DNAH3: variants seen among roughly 807,000 people sequenced by gnomAD.
DNAH3 encodes the protein dynein axonemal heavy chain 3.
In DNAH3, 332 loss-of-function variants were observed where a neutral mutation model predicts 432.5. The ratio of observed to expected loss-of-function variants is 0.77; its 90% CI spans 0.70 to 0.84. The LOEUF is 0.84. DNAH3 is among the 40% of genes least tolerant of loss of function. DNAH3 has a pLI of 0.00. For synonymous variants in DNAH3, 1,956 were observed against 1,900.2 expected (o/e 1.03, Z -0.76); for missense variants, 4,861 against 5,114.0 (o/e 0.95, Z 1.51).
At chr16:21,008,581 T>TC (rs2087432083) in intron 41 of DNAH3, among the ~76,000 whole-genome samples, 2 of 152,280 alleles carry the variant, frequency 1.3e-5, no homozygotes, top group Admixed American at 1.3e-4. Flanking sequence ...TGGCGTTTTT[T>TC]CCCATCCCTA....
At chr16:21,082,046 C>T (rs1226325583) in intron 19 of DNAH3, among the ~76,000 whole-genome samples, 3 of 151,700 alleles carry the variant, frequency 2.0e-5, no homozygotes, top group African/African-American at 7.3e-5. Context: ...GCCACAGGCA[C>T]ACACCACCTT....
At chr16:20,987,556 T>C (rs1597064776) in intron 46 of DNAH3, 108 bp from the exon 47 acceptor site, 1 of 1,543,054 alleles carries the variant, frequency 6.5e-7, no homozygotes, top group Non-Finnish European at 8.8e-7. Flanking sequence ...AACTAGATAA[T>C]GTTTATAAAA....
chr16:20,998,763 A>AAAG (rs1567612734), intron 43 of DNAH3, among the ~76,000 whole-genome samples: 2 of 103,478 alleles, frequency 1.9e-5, no homozygotes, highest in Non-Finnish European at 3.8e-5. Flanking sequence ...AAAAAAAAAA[A>AAAG]GGGGGGGGCT....
At chr16:21,104,421 G>T in intron 16 of DNAH3, 50 bp downstream of exon 16, 1 of 1,524,722 alleles carries the variant, frequency 6.6e-7, no homozygotes, top group Non-Finnish European at 9.1e-7. Flanking sequence ...TGCAGCATGG[G>T]TGAAGAAGTC....
At chr16:20,979,577 A>T (rs1178614397) in intron 49 of DNAH3, 31 bp from the exon 50 acceptor site, 18 of 1,596,374 alleles carry the variant, frequency 1.1e-5, no homozygotes. Flanking sequence ...GTTAGGCAGG[A>T]CCCAACATCT....
intron 57 of DNAH3, 80 bp from the exon 58 acceptor site, chr16:20,944,743 C>A: frequency 7.3e-7 from 1 of 1,366,946 alleles, no homozygotes; most frequent in South Asian, 1.2e-5. Context: ...AGAACCCAAT[C>A]AGAACAGGAA....
Position 21,062,472 on chromosome 16 carries a change from G to A in DNAH3, c.3720+10C>T, listed in dbSNP as rs760677434. On this transcript the variant is annotated intron_variant, in intron 25 of 61. Transcript: ENST00000261383. ...GGAGAAAAGAACCAAAAATGGGTAAGAGGAGTTACCTTGGCATTAGCTGGG... is the reference window on the plus strand; with the variant it reads ...GGAGAAAAGAACCAAAAATGGGTAAAAGGAGTTACCTTGGCATTAGCTGGG... The A allele has an allele frequency of 3.7e-6, 6 of 1,613,444 alleles. No individual in the cohort carries two copies. The highest frequency in any genetic ancestry group is 2.5e-6 in the Non-Finnish European group (3 of 1,179,370).
rs772102397 is a variant in DNAH3 at position 21,141,267 on chromosome 16, C to T, written c.521+33G>A. The T allele has an allele frequency of 3.3e-6, 5 of 1,501,730 alleles. No homozygotes were observed. The South Asian group carries it at 4.8e-5, about 14-fold the overall frequency. 93.0% of individuals were successfully genotyped at this position (1,501,730 alleles called of 1,614,324 possible). ...ACATCCTTCTGTTCAGCCCACCGTCCTGCCTTCTCTGGTGCCCACAGTGAT... is the reference window on the plus strand; with the variant it reads ...ACATCCTTCTGTTCAGCCCACCGTCTTGCCTTCTCTGGTGCCCACAGTGAT... On this transcript the variant is annotated intron_variant, in intron 4 of 61. Coordinates refer to ENST00000261383, the Ensembl canonical transcript of DNAH3.
intron 41 of DNAH3, among the ~76,000 whole-genome samples, chr16:21,013,579 C>T (rs1001616981): frequency 5.3e-5 from 8 of 151,830 alleles, no homozygotes; most frequent in African/African-American, 9.7e-5. Context: ...ATTAGCCAGG[C>T]GTGGTGACAC....
intron 12 of DNAH3, among the ~76,000 whole-genome samples, chr16:21,114,922 G>A (rs1325255262): frequency 1.3e-5 from 2 of 152,098 alleles, no homozygotes; most frequent in Non-Finnish European, 2.9e-5. Context: ...AAATCATGCC[G>A]CTATAAAGAC....
chr16:21,039,555 G>T (rs907991113), intron 33 of DNAH3, among the ~76,000 whole-genome samples: 2 of 150,800 alleles, frequency 1.3e-5, no homozygotes, highest in Admixed American at 1.3e-4. Flanking sequence ...TAGTAATGTG[G>T]GTATGGATGT....
chr16:21,033,988 C>T (rs1262304807), exon 36 of DNAH3: 5 of 1,613,562 alleles, frequency 3.1e-6, no homozygotes, highest in Non-Finnish European at 4.2e-6. Flanking sequence ...GTGTAAATCG[C>T]CGAGAGCTGC....
intron 14 of DNAH3, among the ~76,000 whole-genome samples, chr16:21,107,238 TC>T (rs1172826405): frequency 1.8e-5 from 2 of 111,936 alleles, no homozygotes; most frequent in South Asian, 6.4e-4. Flanking sequence ...TAATTTTTAA[TC>T]TTTTTTTTTT....
chr16:21,076,592 A>G (rs2090984272), intron 20 of DNAH3, among the ~76,000 whole-genome samples: 1 of 152,152 alleles, frequency 6.6e-6, no homozygotes, highest in African/African-American at 2.4e-5. Flanking sequence ...AAGGAGATAG[A>G]TCCCAGAACA....
chr16:21,154,951 C>CTTTT (rs772054168), intron 1 of DNAH3, among the ~76,000 whole-genome samples: 24 of 134,654 alleles, frequency 1.8e-4, no homozygotes, highest in South Asian at 4.9e-4. Flanking sequence ...TTCTTTCTTT[C>CTTTT]TTTTTTTTTT....
rs1190801678 is a variant in DNAH3, at chr16:21,134,242, A to AT, written c.1082+16_1082+17insA. ...GGTCAAGAAAGGGAATGAAAAAAAA[A>AT]GGGAGGGACTTCTTACTCTGCAAAC... On this transcript the variant is annotated intron_variant, in intron 7 of 61. Transcript: ENST00000261383. The AT allele has an allele frequency of 6.3e-7, 1 of 1,596,482 alleles. No individual in the cohort carries two copies.
chr16:21,054,981 G>A (rs1317216567), intron 27 of DNAH3, among the ~76,000 whole-genome samples: 7 of 151,460 alleles, frequency 4.6e-5, no homozygotes, highest in Admixed American at 4.6e-4. Flanking sequence ...GAATTTCACT[G>A]TATATACCAT....
chr16:20,989,190 T>G (rs977433480), intron 44 of DNAH3, among the ~76,000 whole-genome samples: 1 of 152,104 alleles, frequency 6.6e-6, no homozygotes, highest in Admixed American at 6.6e-5. Flanking sequence ...TAGAGCCGAG[T>G]GGTCTGTTTT....
intron 37 of DNAH3, among the ~76,000 whole-genome samples, chr16:21,028,232 C>T (rs1012640225): frequency 6.6e-6 from 1 of 151,974 alleles, no homozygotes; most frequent in Admixed American, 6.6e-5. Context: ...TTTGTAGAGA[C>T]AGGATCTCAC....
Sources: gnomAD v4.1 joint callset for allele counts (sites outside exome capture counted in the v4.1 genomes callset) on GRCh38, gnomAD v4.1.1 for gene constraint, MANE v1.5 for transcripts, NCBI Gene and HGNC (gene_info 2026-07-23, HGNC 2026-07-21) for gene names.